ROBO1: variants seen among roughly 807,000 people sequenced by gnomAD.
ROBO1 encodes the protein roundabout guidance receptor 1, also known as roundabout homolog 1.
ROBO1 carries 149 observed loss-of-function variants against 195.9 expected under a neutral mutation model. The ratio of observed to expected loss-of-function variants is 0.76; its 90% CI spans 0.67 to 0.87. The LOEUF is 0.87. Among genes scored for constraint, ROBO1 ranks in the 40% least tolerant of loss-of-function variants. The pLI, the probability that ROBO1 is intolerant of heterozygous loss-of-function variation, is 0.00. For synonymous variants in ROBO1, 816 were observed against 733.2 expected (o/e 1.11, Z -1.82); for missense variants, 1,933 against 2,068.3 (o/e 0.93, Z 1.27).
chr3:78,664,658 C>T (rs1175399305), intron 14 of ROBO1, among the ~76,000 whole-genome samples: 2 of 152,022 alleles, frequency 1.3e-5, no homozygotes, highest in African/African-American at 4.8e-5. Flanking sequence ...AGCTTTTGAC[C>T]CCAGCTCATT....
intron 1 of ROBO1, among the ~76,000 whole-genome samples, chr3:79,740,461 A>G (rs1010321661): frequency 5.9e-5 from 9 of 152,060 alleles, no homozygotes; most frequent in Admixed American, 2.0e-4. Flanking sequence ...GGTAATTTAT[A>G]AAGAAAAGAG....
At chr3:79,700,335 G>GTGTA (rs1947585565) in intron 1 of ROBO1, among the ~76,000 whole-genome samples, 1 of 150,844 alleles carries the variant, frequency 6.6e-6, no homozygotes, top group African/African-American at 2.4e-5. Context: ...GTGTGTGTGT[G>GTGTA]TGTGTGTGTG....
intron 2 of ROBO1, among the ~76,000 whole-genome samples, chr3:79,188,724 A>G (rs1216894871): frequency 6.6e-6 from 1 of 151,788 alleles, no homozygotes; most frequent in Non-Finnish European, 1.5e-5. Flanking sequence ...ACTATCTTCT[A>G]TGAGAGCAGA....
chr3:79,062,100 A>G (rs1261479849), intron 3 of ROBO1, among the ~76,000 whole-genome samples: 1 of 150,484 alleles, frequency 6.6e-6, no homozygotes, highest in African/African-American at 2.5e-5. Flanking sequence ...CAATCTACCC[A>G]TCTCACAAAG....
At position 78,614,629 on chromosome 3, in the gene ROBO1, T is replaced by G. The variant is rs1703999102; in HGVS notation, c.4435+19A>C. 2 of 1,612,250 alleles carry G rather than the reference T, an allele frequency of 1.2e-6. No individual in the cohort carries two copies. The highest frequency in any genetic ancestry group is 1.7e-6 in the Non-Finnish European group (2 of 1,178,832). On this transcript the variant is annotated intron_variant, in intron 28 of 30. Coordinates refer to ENST00000464233, the MANE Select transcript of ROBO1 (RefSeq NM_002941.4). ...TAGGCGAGATTCATAGACGTTTTCA[T>G]CCGTGTCAATGGACTCACCATCTGT...
chr3:78,629,004 C>A (rs1338444070), intron 25 of ROBO1, among the ~76,000 whole-genome samples: 1 of 152,142 alleles, frequency 6.6e-6, no homozygotes, highest in Non-Finnish European at 1.5e-5. Context: ...TAAGAAATGG[C>A]TCTCTAATTG....
intron 2 of ROBO1, among the ~76,000 whole-genome samples, chr3:79,390,827 C>G (rs141843027): frequency 2.0e-5 from 3 of 152,060 alleles, no homozygotes; most frequent in East Asian, 3.9e-4. Context: ...ACCCTACTCA[C>G]AAAGCAGTAT....
At chr3:79,691,568 C>T (rs1947298626) in intron 1 of ROBO1, among the ~76,000 whole-genome samples, 1 of 151,712 alleles carries the variant, frequency 6.6e-6, no homozygotes, top group Admixed American at 6.6e-5. Flanking sequence ...TTAGTTTTCT[C>T]AGCACAAATC....
At chr3:78,960,117 G>A (rs2041260939) in intron 3 of ROBO1, among the ~76,000 whole-genome samples, 1 of 151,950 alleles carries the variant, frequency 6.6e-6, no homozygotes, top group Admixed American at 6.6e-5. Context: ...ATGCACCTAT[G>A]ATCACACCCG....
chr3:78,685,802 T>C lies in ROBO1; in HGVS notation c.1286A>G (p.Gln429Arg). The C allele has an allele frequency of 6.2e-7, 1 of 1,612,598 alleles. No homozygotes were observed. The change falls in exon 10 of 31, where the codon CAG becomes CGG. Residue 429 changes from glutamine (Q) to arginine (R), a missense_variant. Physicochemically the swap from Gln to Arg is conservative, Grantham distance 43. Transcript: ENST00000464233. ...GATGCTTCCAGCAACATTTAAAGTC[T>C]GGCAGATGTAATAACCAACATCAGA... ...QRSDVGYYIC[Q>R]TLNVAGSIIT...
chr3:79,190,943 C>T (rs1298020606), intron 2 of ROBO1, among the ~76,000 whole-genome samples: 1 of 151,446 alleles, frequency 6.6e-6, no homozygotes, highest in Non-Finnish European at 1.5e-5. Context: ...ATATATTTCC[C>T]AGTTCTCTCT....
Position 79,146,834 on chromosome 3 carries a change from A to G in ROBO1, c.89-21295T>C, listed in dbSNP as rs552796933. Among the ~76,000 whole-genome samples, 291 of 152,088 alleles carry G rather than the reference A, an allele frequency of 1.9e-3. 2 individuals are homozygous for G. Among genetic ancestry groups the G allele is most frequent in the African/African-American group, 6.2e-3 (257 of 41,538 alleles). Reference sequence around the variant, plus strand: ...GAATCTGATTATTTAACAGGAGAAAAAGCAAAGAAGTGGCCAGTTTTCTTG... The same window carrying G: ...GAATCTGATTATTTAACAGGAGAAAGAGCAAAGAAGTGGCCAGTTTTCTTG... On this transcript the variant is annotated intron_variant, in intron 2 of 30. Transcript: ENST00000464233.
At chr3:79,041,419 C>T (rs551819901) in intron 3 of ROBO1, among the ~76,000 whole-genome samples, 1 of 152,012 alleles carries the variant, frequency 6.6e-6, no homozygotes, top group Admixed American at 6.6e-5. Flanking sequence ...ATTGCCTCTA[C>T]CTGAAAGTTG....
chr3:79,054,702 T>C (rs2078770000), intron 3 of ROBO1, among the ~76,000 whole-genome samples: 1 of 152,092 alleles, frequency 6.6e-6, no homozygotes, highest in African/African-American at 2.4e-5. Flanking sequence ...GGCCAAATGC[T>C]GCTGCTACTG....
chr3:79,191,167 T>A lies in ROBO1; in HGVS notation c.89-65628A>T, dbSNP rs2081532882. ...ATTTTACTTATCTTTACTGAAGATT[T>A]ATTGCTCTTTTCCTGAAAAATTGTT... is the stretch of plus-strand genomic sequence containing the variant. On this transcript the variant is annotated intron_variant, in intron 2 of 30. Coordinates refer to ENST00000464233, the MANE Select transcript of ROBO1 (RefSeq NM_002941.4). Among the ~76,000 whole-genome samples the A allele has an allele frequency of 4.0e-5, 6 of 151,740 alleles. No homozygotes were observed. The South Asian group carries it at 1.2e-3, about 31-fold the overall frequency.
At chr3:79,292,784 T>C (rs979710315) in intron 2 of ROBO1, among the ~76,000 whole-genome samples, 33 of 152,342 alleles carry the variant, frequency 2.2e-4, no homozygotes, top group Admixed American at 5.9e-4. Context: ...TTGCCAGTAT[T>C]TTATTGAGGA....
intron 2 of ROBO1, among the ~76,000 whole-genome samples, chr3:79,562,094 T>G (rs1332379221): frequency 6.6e-6 from 1 of 152,164 alleles, no homozygotes; most frequent in Non-Finnish European, 1.5e-5. Flanking sequence ...TTAATCTTAC[T>G]TTTTGACAAA....
At chr3:79,072,393 A>G (rs765964781) in intron 3 of ROBO1, among the ~76,000 whole-genome samples, 1 of 151,882 alleles carries the variant, frequency 6.6e-6, no homozygotes, top group Non-Finnish European at 1.5e-5. Context: ...CCTAATATAT[A>G]TTACTTTGGG....
chr3:79,325,048 C>T (rs144926432), intron 2 of ROBO1, among the ~76,000 whole-genome samples: 232 of 152,194 alleles, frequency 1.5e-3, no homozygotes, highest in African/African-American at 5.2e-3. Flanking sequence ...ACTGATTCTC[C>T]GATTACGTGG....
Sources: allele counts gnomAD v4.1 joint callset (sites outside exome capture counted in the v4.1 genomes callset), GRCh38; gene constraint gnomAD v4.1.1; transcripts MANE v1.5; gene names NCBI Gene and HGNC (gene_info 2026-07-23, HGNC 2026-07-21).